DENND1C: variants seen among roughly 807,000 people sequenced by gnomAD.
The protein encoded by DENND1C is DENN domain containing 1C.
DENND1C carries 64 observed loss-of-function variants against 87.9 expected under a neutral mutation model. The observed-to-expected ratio is 0.73, with a 90% CI of 0.60 to 0.90. DENND1C has a LOEUF of 0.90. Among genes scored for constraint, DENND1C ranks in the 40% least tolerant of loss-of-function variants. DENND1C has a pLI of 0.00. For missense variants in DENND1C, 980 were observed against 1,037.0 expected, an observed-to-expected ratio of 0.95 and a Z score of 0.76; for synonymous variants, 384 against 424.4, an observed-to-expected ratio of 0.90 and a Z score of 1.17.
At chr19:6,471,205 A>C (rs1568395001) in intron 17 of DENND1C, 60 bp downstream of exon 17, 2 of 1,546,788 alleles carry the variant, frequency 1.3e-6, no homozygotes, top group East Asian at 4.9e-5. Flanking sequence ...TCCACCTCCT[A>C]ATGTGTTGGG....
Position 6,479,009 on chromosome 19 carries a change from T to C in DENND1C, c.224A>G (p.Asp75Gly). 6.2e-7 allele frequency: 1 copy of C among 1,613,330 alleles called. No homozygotes were observed. Among genetic ancestry groups the C allele is most frequent in the Non-Finnish European group, 8.5e-7 (1 of 1,179,704 alleles). Reference sequence around the variant, plus strand: ...ACCAAATCTGCGGTTGCCGGCAAGGTCTGTGAGGGCGAAGGTGAAATGCTG... The same window carrying C: ...ACCAAATCTGCGGTTGCCGGCAAGGCCTGTGAGGGCGAAGGTGAAATGCTG... ...AVQHFTFALT[D>G]LAGNRRFGFC... The change falls in exon 5 of 23, where the codon GAC (aspartate) becomes GGC (glycine). Residue 75 changes from aspartate (D) to glycine (G), a missense_variant. Transcript: ENST00000381480.
chr19:6,479,590 G>T, intron 4 of DENND1C, 79 bp downstream of exon 4: 1 of 1,573,610 alleles, frequency 6.4e-7, no homozygotes, highest in South Asian at 1.1e-5. Flanking sequence ...CCAGATGTCT[G>T]AGTCTCTAGG....
At chr19:6,469,990 C>A in intron 18 of DENND1C, 1 of 430,776 alleles carries the variant, frequency 2.3e-6, no homozygotes, top group Non-Finnish European at 4.2e-6. Context: ...AAGGCAGAAC[C>A]TGGAATTGTA....
intron 10 of DENND1C, chr19:6,476,619 G>C (rs997917315): frequency 2.3e-5 from 12 of 516,872 alleles, no homozygotes; most frequent in Non-Finnish European, 3.4e-5. Context: ...ACGTGTTGCG[G>C]CCCATAGTGG....
chr19:6,473,916 C>T (rs10405323), intron 14 of DENND1C, among the ~76,000 whole-genome samples: 3,362 of 152,006 alleles, frequency 0.022, 134 homozygotes, highest in African/African-American at 0.076. Flanking sequence ...TGCAGGAGGC[C>T]GGGCGCGGTG....
In DENND1C at chr19:6,471,490, C is replaced by A; in HGVS notation, c.1165G>T (p.Glu389Ter). 6.4e-7 allele frequency: 1 copy of A among 1,559,958 alleles called. No homozygotes were observed. Among genetic ancestry groups the A allele is most frequent in the Non-Finnish European group, 8.7e-7 (1 of 1,151,788 alleles). ...VHLQLFKQFI[E>*]ARLEKLNKGE... ...TTGTTGAGCTTCTCCAGCCGGGCTTCGATGAACTGGGGTGGGGGACAGTAA... is the reference window on the plus strand; with the variant it reads ...TTGTTGAGCTTCTCCAGCCGGGCTTAGATGAACTGGGGTGGGGGACAGTAA... Residue 389 changes from glutamate to a stop codon, truncating the protein, a stop_gained, in exon 16 of 23, where the codon GAA becomes TAA. Coordinates refer to ENST00000381480, the MANE Select transcript of DENND1C (RefSeq NM_024898.4). LOFTEE classifies it high-confidence loss of function.
At chr19:6,480,470 A>G in intron 1 of DENND1C, 1 of 984,636 alleles carries the variant, frequency 1.0e-6, no homozygotes, top group Non-Finnish European at 1.2e-6. Context: ...CTCTCTATAT[A>G]TATATCCATC....
intron 10 of DENND1C, chr19:6,476,594 GA>G (rs547893883): frequency 1.9e-4 from 87 of 464,804 alleles, no homozygotes; most frequent in African/African-American, 1.7e-3. Context: ...TGAGGGTCCG[GA>G]GGGGTGGAGC....
At chr19:6,474,065 C>G (rs2092845215) in intron 14 of DENND1C, among the ~76,000 whole-genome samples, 1 of 152,026 alleles carries the variant, frequency 6.6e-6, no homozygotes, top group African/African-American at 2.4e-5. Flanking sequence ...TGTGGTGGTG[C>G]ATGCCTGTAA....
At position 6,468,456 on chromosome 19, in the gene DENND1C, G is replaced by C; in HGVS notation, c.1584-15C>G. 6.2e-7 allele frequency: 1 copy of C among 1,606,236 alleles called. No homozygotes were observed. Among genetic ancestry groups the C allele is most frequent in the Non-Finnish European group, 8.5e-7 (1 of 1,176,260 alleles). On this transcript the variant is annotated splice_polypyrimidine_tract_variant and intron_variant, in intron 21 of 22. Transcript: ENST00000381480. ...GTGGGGGTGTCCTGGGTGAGGATGG[G>C]CAGCCTCAGATATTTGCCCAAGACC...
intron 1 of DENND1C, chr19:6,480,292 T>G (rs547114465): frequency 7.1e-7 from 1 of 1,414,860 alleles, no homozygotes; most frequent in South Asian, 1.5e-5. Context: ...TGGCTGTGTA[T>G]GATTGTGTGT....
rs1411558466 is a variant in DENND1C at position 6,467,638 on chromosome 19, C to T, written c.2272G>A (p.Glu758Lys). ...TCCCGTGGCTGGAGGTGAGCGCGCTCTGCCAGCAGGGCTTTGGGAGGCCGG... is the reference window on the plus strand; with the variant it reads ...TCCCGTGGCTGGAGGTGAGCGCGCTTTGCCAGCAGGGCTTTGGGAGGCCGG... ...RARPPKALLA[E>K]RAHLQPREEP... is the part of the protein sequence containing the mutation. The change falls in exon 23 of 23, where the codon GAG (glutamate) becomes AAG (lysine). Residue 758 changes from glutamate to lysine, a missense_variant. Glu to Lys is a moderately conservative substitution (Grantham distance 56). Transcript: ENST00000381480. 1.9e-6 allele frequency: 3 copies of T among 1,548,364 alleles called. No homozygotes were observed. The East Asian group carries it at 6.8e-5, about 35-fold the overall frequency.
In DENND1C at chr19:6,468,019, C is replaced by A. The variant is rs1242485990; in HGVS notation, c.1891G>T (p.Ala631Ser). ...CTGGAGTCCTTTGAAGAGCTGGTGG[C>A]ATCCAAAGACGAGGCATTTTGCAGG... ...PSLQNASSLD[A>S]TSSSKDSRSQ... Residue 631 changes from alanine to serine, a missense_variant, in exon 23 of 23, where the codon GCC (alanine) becomes TCC (serine). Transcript: ENST00000381480. The A allele has an allele frequency of 1.2e-6, 2 of 1,613,788 alleles. No individual in the cohort carries two copies. The highest frequency in any genetic ancestry group is 4.5e-5 in the East Asian group (2 of 44,872).
intron 1 of DENND1C, chr19:6,480,330 G>T (rs1183789120): frequency 7.3e-7 from 1 of 1,371,438 alleles, no homozygotes; most frequent in Non-Finnish European, 9.4e-7. Flanking sequence ...TTGTGAGCAG[G>T]CAGTGTGTGT....
intron 19 of DENND1C, among the ~76,000 whole-genome samples, chr19:6,469,223 G>A (rs924716495): frequency 1.3e-5 from 2 of 152,018 alleles, no homozygotes; most frequent in Non-Finnish European, 2.9e-5. Flanking sequence ...TAGAGATGGG[G>A]TTTCACCATG....
intron 9 of DENND1C, 32 bp from the exon 10 acceptor site, chr19:6,476,999 C>T (rs984323477): frequency 1.9e-6 from 3 of 1,613,488 alleles, no homozygotes; most frequent in Non-Finnish European, 2.5e-6. Context: ...TGGGCGTGGA[C>T]GGGCCCCTGG....
chr19:6,479,961 C>T, intron 2 of DENND1C, 26 bp downstream of exon 2: 1 of 1,524,814 alleles, frequency 6.6e-7, no homozygotes. Flanking sequence ...CCCTCCCACT[C>T]CCTCACTCCC....
Position 6,472,921 on chromosome 19 carries a change from G to T in DENND1C, c.1126C>A (p.Arg376=), listed in dbSNP as rs374964139. Residue 376 remains arginine, a synonymous_variant, in exon 15 of 23, where the codon CGG becomes AGG. Coordinates refer to ENST00000381480, the MANE Select transcript of DENND1C (RefSeq NM_024898.4). ...KPGAPLQAFH[R]RAVHLQLFKQ... ...AACAGCTGCAGGTGCACAGCCCGCC[G>T]GTGGAAGGCCTGCAGAGGTGCCCCA... is the stretch of plus-strand genomic sequence containing the variant. The T allele has an allele frequency of 1.9e-6, 3 of 1,591,472 alleles. No individual in the cohort carries two copies. The highest frequency in any genetic ancestry group is 1.7e-6 in the Non-Finnish European group (2 of 1,170,068).
At chr19:6,480,500 C>T (rs1336907224) in intron 1 of DENND1C, 1 of 983,412 alleles carries the variant, frequency 1.0e-6, no homozygotes, top group Non-Finnish European at 1.2e-6. Context: ...GTCTGTCTGT[C>T]TCTGTCTATC....
Sources: allele counts gnomAD v4.1 joint callset (sites outside exome capture counted in the v4.1 genomes callset), GRCh38; gene constraint gnomAD v4.1.1; transcripts MANE v1.5; gene names NCBI Gene and HGNC (gene_info 2026-07-23, HGNC 2026-07-21).